Variants in NPR3 observed in about 807,000 individuals in gnomAD.
The protein encoded by NPR3 is atrial natriuretic peptide receptor 3.
In NPR3, 34 loss-of-function variants were observed where a neutral mutation model predicts 54.5. The observed-to-expected ratio is 0.62, with a 90% confidence interval of 0.47 to 0.83. The LOEUF (loss-of-function observed/expected upper bound fraction) is 0.83. Among genes scored for constraint, NPR3 ranks in the 40% least tolerant of loss-of-function variants. The probability of loss-of-function intolerance (pLI) is 0.00; values close to 1 mark genes in which losing one functional copy is unlikely to be tolerated. For synonymous variants in NPR3, 289 were observed against 297.1 expected, an observed-to-expected ratio of 0.97 and a Z score of 0.28; for missense variants, 674 against 720.8, an observed-to-expected ratio of 0.94 and a Z score of 0.74.
At chr5:32,713,386 G>C (rs1405592610) in intron 1 of NPR3, 3 of 985,352 alleles carry the variant, frequency 3.0e-6, no homozygotes, top group Non-Finnish European at 3.6e-6. Context: ...CTATGGCTTC[G>C]GGGAGCGGGG....
chr5:32,766,801 T>C (rs1561122452), intron 3 of NPR3, among the ~76,000 whole-genome samples: 1 of 152,208 alleles, frequency 6.6e-6, no homozygotes, highest in Non-Finnish European at 1.5e-5. Context: ...CTATGTGAGG[T>C]AGGACGCTCA....
At chr5:32,740,195 C>G (rs1739967595) in intron 3 of NPR3, among the ~76,000 whole-genome samples, 1 of 152,224 alleles carries the variant, frequency 6.6e-6, no homozygotes, top group South Asian at 2.1e-4. Context: ...TGGCATTGGC[C>G]TCAGAGCTGC....
At position 32,789,288 on chromosome 5, in the gene NPR3, A is replaced by AC; in HGVS notation, c.*2943_*2944insC. 3.7e-6 allele frequency: 1 copy of AC among 267,304 alleles called. No individual in the cohort carries two copies. The highest frequency in any genetic ancestry group is 7.7e-6 in the Non-Finnish European group (1 of 130,652). The allele number at this position is 267,304 out of a possible 1,614,324, so 16.6% of individuals were successfully genotyped here. ...TCATTGTCTTCTTAGATTTTTGGGT[A>AC]GGGGGGCCAGGTAGGGGGAGACTCA... On this transcript the variant is annotated 3_prime_UTR_variant, in exon 8 of 8. Transcript: ENST00000265074.
At chr5:32,713,210 T>C in intron 1 of NPR3, 2 of 985,480 alleles carry the variant, frequency 2.0e-6, no homozygotes, top group African/African-American at 3.5e-5. Context: ...CAGAGTGTTC[T>C]GCAACGCAGT....
rs1258459831 is a variant in NPR3 at position 32,788,948 on chromosome 5, C to T, written c.*2603C>T. ...GAAACCTTGGTTAAAAATGTAGGTG[C>T]CTGGCCCATGGTTACCCTGGATTCA... On this transcript the variant is annotated 3_prime_UTR_variant, in exon 8 of 8. Transcript: ENST00000265074. 2 of 152,284 alleles carry T rather than the reference C, an allele frequency of 1.3e-5. No individual in the cohort carries two copies. The highest frequency in any genetic ancestry group is 2.1e-4 in the South Asian group (1 of 4,832). 9.4% of individuals were successfully genotyped at this position (152,284 alleles called of 1,614,324 possible).
chr5:32,692,705 C>T (rs1465026969), intron 1 of NPR3, among the ~76,000 whole-genome samples: 2 of 152,188 alleles, frequency 1.3e-5, no homozygotes, highest in Non-Finnish European at 2.9e-5. Flanking sequence ...CACAACATTG[C>T]ACATCATGGT....
In NPR3 at chr5:32,784,834, G is replaced by T. The variant is rs542365419; in HGVS notation, c.1465G>T (p.Val489Leu). ...LEESAVTGIV[V>L]GALLGAGLLM... ...AGAATCGGCAGTGACAGGAATTGTC[G>T]TGGGGGCTTTACTAGGAGCTGGCTT... The change falls in exon 7 of 8, where the codon GTG becomes TTG. Residue 489 changes from valine to leucine, a missense_variant. Physicochemically the swap from Val to Leu is conservative, Grantham distance 32. Transcript: ENST00000265074. The T allele has an allele frequency of 4.3e-6, 7 of 1,613,778 alleles. No homozygotes were observed. The highest frequency in any genetic ancestry group is 5.1e-6 in the Non-Finnish European group (6 of 1,179,774).
intron 1 of NPR3, among the ~76,000 whole-genome samples, chr5:32,722,936 T>TA (rs916088757): frequency 6.6e-6 from 1 of 152,222 alleles, no homozygotes; most frequent in Non-Finnish European, 1.5e-5. Flanking sequence ...TGTACTGTTT[T>TA]AAAAACTTTT....
intron 1 of NPR3, among the ~76,000 whole-genome samples, chr5:32,721,470 CT>C (rs1242615012): frequency 6.6e-6 from 1 of 152,110 alleles, no homozygotes; most frequent in African/African-American, 2.4e-5. Flanking sequence ...TGACAAAACT[CT>C]ATCTATACAA....
upstream of NPR3, among the ~76,000 whole-genome samples, chr5:32,706,453 G>A (rs994837048): frequency 6.6e-6 from 1 of 152,196 alleles, no homozygotes; most frequent in Non-Finnish European, 1.5e-5. Context: ...AAGTGGTCAA[G>A]AGCCAAGGTT....
chr5:32,781,402 A>G (rs1285823276), intron 5 of NPR3, among the ~76,000 whole-genome samples: 1 of 152,206 alleles, frequency 6.6e-6, no homozygotes, highest in Non-Finnish European at 1.5e-5. Flanking sequence ...ATATACATAT[A>G]CAATTATACA....
intron 1 of NPR3, among the ~76,000 whole-genome samples, chr5:32,721,337 T>C (rs1015626394): frequency 6.6e-6 from 1 of 152,250 alleles, no homozygotes; most frequent in African/African-American, 2.4e-5. Context: ...TATGTCTCTT[T>C]TGCTCAGTCT....
intron 3 of NPR3, among the ~76,000 whole-genome samples, chr5:32,761,450 AAC>A (rs1741156726): frequency 6.6e-6 from 1 of 152,130 alleles, no homozygotes; most frequent in Non-Finnish European, 1.5e-5. Context: ...CACAGAATAA[AAC>A]AACCATTTCC....
Position 32,724,764 on chromosome 5 carries a change from T to C in NPR3, c.836T>C (p.Met279Thr), listed in dbSNP as rs773192144. Residue 279 changes from methionine to threonine, a missense_variant, in exon 2 of 8, where the codon ATG (methionine) becomes ACG (threonine). By Grantham distance (81) the Met-to-Thr change is moderately conservative (BLOSUM62 -1). Transcript: ENST00000265074. ...SIMLVAHRHG[M>T]TSGDYAFFNI... ...ATGCTGGTGGCGCACAGGCATGGCA[T>C]GACCAGTGGAGACTACGCCTTCTTC... 1.2e-6 allele frequency: 2 copies of C among 1,613,964 alleles called. No homozygotes were observed. Among genetic ancestry groups the C allele is most frequent in the East Asian group, 2.2e-5 (1 of 44,888 alleles).
rs115907376 is a variant in NPR3, at chr5:32,732,666, T to C, written c.893-6198T>C. On this transcript the variant is annotated intron_variant, in intron 2 of 7. Coordinates refer to ENST00000265074, the MANE Select transcript of NPR3 (RefSeq NM_001204375.2). ...GGCAGAGTGACCTAGACCAAGGTTCTGCTATACATCAGTAGTAAAGGGCCT... is the reference window on the plus strand; with the variant it reads ...GGCAGAGTGACCTAGACCAAGGTTCCGCTATACATCAGTAGTAAAGGGCCT... Among the ~76,000 whole-genome samples the C allele has an allele frequency of 5.1e-3, 773 of 152,274 alleles. 5 individuals are homozygous for C. Among genetic ancestry groups the C allele is most frequent in the African/African-American group, 0.018 (737 of 41,532 alleles).
chr5:32,690,990 A>G (rs1740375541), intron 1 of NPR3, among the ~76,000 whole-genome samples: 1 of 152,206 alleles, frequency 6.6e-6, no homozygotes, highest in South Asian at 2.1e-4. Flanking sequence ...ATGAGCAGAT[A>G]TTTTAATTCC....
At position 32,757,035 on chromosome 5, in the gene NPR3, C is replaced by T. The variant is rs191625473; in HGVS notation, c.1060-17673C>T. 6.4e-4 allele frequency among the ~76,000 whole-genome samples: 97 copies of T among 152,294 alleles called. 1 individual carries two copies. The highest frequency in any genetic ancestry group is 2.1e-3 in the African/African-American group (87 of 41,578). On this transcript the variant is annotated intron_variant, in intron 3 of 7. Coordinates refer to ENST00000265074, the MANE Select transcript of NPR3 (RefSeq NM_001204375.2). ...TGTAGTATAGTTTGAAGTCAGGTAG[C>T]ATGATGCCTCCAGCTTTGTTCTTTT... is the stretch of plus-strand genomic sequence containing the variant.
At chr5:32,692,644 T>C (rs1041349131) in intron 1 of NPR3, among the ~76,000 whole-genome samples, 3 of 152,252 alleles carry the variant, frequency 2.0e-5, no homozygotes, top group Admixed American at 6.5e-5. Context: ...TTATCCAAGA[T>C]GTAATACCAA....
chr5:32,737,919 TTTA>T lies in NPR3; in HGVS notation c.893-928_893-926del, dbSNP rs905959928. Among the ~76,000 whole-genome samples the T allele has an allele frequency of 1.2e-3, 177 of 151,694 alleles. 1 individual carries two copies. The highest frequency in any genetic ancestry group is 3.8e-3 in the African/African-American group (157 of 41,404). On this transcript the variant is annotated intron_variant, in intron 2 of 7. Transcript: ENST00000265074. ...TATAAAGTGCTCAACAAATAGAGCT[TTTA>T]TTATTATTATTATTATAATATATGT... is the stretch of plus-strand genomic sequence containing the variant.
Sources: allele counts gnomAD v4.1 joint callset (sites outside exome capture counted in the v4.1 genomes callset), GRCh38; gene constraint gnomAD v4.1.1; transcripts MANE v1.5; gene names NCBI Gene and HGNC (gene_info 2026-07-23, HGNC 2026-07-21).